The following SLC39A11 variants were observed in gnomAD, a reference collection of about 807,000 sequenced individuals.
The protein encoded by SLC39A11 is zinc transporter ZIP11.
In SLC39A11, 33 loss-of-function variants were observed where a neutral mutation model predicts 36.1. The observed-to-expected ratio is 0.91, with a 90% confidence interval of 0.69 to 1.22. The LOEUF (loss-of-function observed/expected upper bound fraction) is 1.22, where lower values mean the gene tolerates loss of function less well. SLC39A11 is among the 50% of genes most tolerant of loss of function. The pLI, the probability that SLC39A11 is intolerant of heterozygous loss-of-function variation, is 0.00. For missense variants in SLC39A11, 432 were observed against 430.3 expected (o/e 1.00, Z -0.03); for synonymous variants, 166 against 170.3 (o/e 0.97, Z 0.20).
intron 7 of SLC39A11, among the ~76,000 whole-genome samples, chr17:72,723,321 A>AGTGAGTGT (rs1280241325): frequency 6.7e-6 from 1 of 148,450 alleles, no homozygotes; most frequent in African/African-American, 2.5e-5. Context: ...GGAGTGTAAG[A>AGTGAGTGT]GTGTGTGTGT....
At chr17:72,651,235 C>T (rs1410467714) in intron 7 of SLC39A11, among the ~76,000 whole-genome samples, 1 of 152,186 alleles carries the variant, frequency 6.6e-6, no homozygotes, top group East Asian at 1.9e-4. Context: ...TACCCATCAG[C>T]TTAAAATCTG....
At chr17:72,691,675 A>G (rs967414300) in intron 7 of SLC39A11, among the ~76,000 whole-genome samples, 6 of 152,248 alleles carry the variant, frequency 3.9e-5, no homozygotes, top group Non-Finnish European at 4.4e-5. Flanking sequence ...AGAATTATTC[A>G]TAAGTGGAAA....
intron 6 of SLC39A11, among the ~76,000 whole-genome samples, chr17:72,804,749 G>A (rs922655662): frequency 1.3e-5 from 2 of 152,174 alleles, no homozygotes; most frequent in South Asian, 2.1e-4. Flanking sequence ...TCCCGGCCAC[G>A]CAGTGGCTCA....
At chr17:72,726,321 T>C (rs1031173192) in intron 7 of SLC39A11, among the ~76,000 whole-genome samples, 4 of 152,130 alleles carry the variant, frequency 2.6e-5, no homozygotes, top group Non-Finnish European at 5.9e-5. Flanking sequence ...AACAATGAAG[T>C]CTCCTTTGTA....
At chr17:72,913,224 G>A (rs2083129294) in intron 5 of SLC39A11, among the ~76,000 whole-genome samples, 1 of 152,030 alleles carries the variant, frequency 6.6e-6, no homozygotes, top group African/African-American at 2.4e-5. Context: ...TTTTTTAAAT[G>A]GGAAGCCTTG....
intron 6 of SLC39A11, among the ~76,000 whole-genome samples, chr17:72,782,049 G>T (rs779544402): frequency 1.3e-5 from 2 of 152,066 alleles, no homozygotes; most frequent in South Asian, 2.1e-4. Context: ...GGAAAAGGGC[G>T]CCTGGCAGAT....
At chr17:72,674,776 T>C (rs555365074) in intron 7 of SLC39A11, among the ~76,000 whole-genome samples, 30 of 152,328 alleles carry the variant, frequency 2.0e-4, no homozygotes, top group Admixed American at 1.8e-3. Context: ...ACAACTAGCA[T>C]GTTTATAATG....
intron 3 of SLC39A11, among the ~76,000 whole-genome samples, chr17:73,032,192 T>C (rs547226248): frequency 2.0e-5 from 3 of 151,246 alleles, no homozygotes; most frequent in Non-Finnish European, 4.4e-5. Flanking sequence ...GAGAATGCTG[T>C]TGCGAATTCC....
intron 7 of SLC39A11, among the ~76,000 whole-genome samples, chr17:72,703,639 A>C (rs1326885556): frequency 6.6e-6 from 1 of 152,214 alleles, no homozygotes. Flanking sequence ...AGACAGATTC[A>C]GTCCTTAAAT....
At chr17:73,024,705 A>AT (rs111311150) in intron 4 of SLC39A11, among the ~76,000 whole-genome samples, 1,626 of 145,972 alleles carry the variant, frequency 0.011, 39 homozygotes, top group African/African-American at 0.038. Context: ...AGTTGTGTAC[A>AT]TTTTTTTTTT....
intron 7 of SLC39A11, among the ~76,000 whole-genome samples, chr17:72,653,106 TTTTC>T (rs1439080971): frequency 2.2e-5 from 2 of 92,158 alleles, no homozygotes; most frequent in Non-Finnish European, 4.5e-5. Context: ...CACGCTTTTT[TTTTC>T]TTTTTTTTTT....
chr17:73,076,180 C>T (rs928845593), intron 3 of SLC39A11, among the ~76,000 whole-genome samples: 4 of 148,816 alleles, frequency 2.7e-5, no homozygotes, highest in Non-Finnish European at 5.9e-5. Flanking sequence ...AAAGTCAAGG[C>T]TAGACACAAG....
chr17:72,862,972 C>T (rs1384872887), intron 5 of SLC39A11, among the ~76,000 whole-genome samples: 2 of 152,168 alleles, frequency 1.3e-5, no homozygotes, highest in African/African-American at 4.8e-5. Context: ...GACAAGAAAA[C>T]CCCACAAAAG....
At chr17:72,738,468 C>T (rs989455179) in intron 6 of SLC39A11, among the ~76,000 whole-genome samples, 6 of 152,154 alleles carry the variant, frequency 3.9e-5, no homozygotes, top group Admixed American at 1.3e-4. Context: ...TCCTGTGGTA[C>T]ATGGGCTTGC....
intron 6 of SLC39A11, among the ~76,000 whole-genome samples, chr17:72,786,569 T>C (rs917771334): frequency 1.3e-5 from 2 of 152,172 alleles, no homozygotes; most frequent in Admixed American, 1.3e-4. Flanking sequence ...TCTGGATGGC[T>C]GATGGATCCC....
At chr17:72,847,582 T>C (rs966139886) in intron 6 of SLC39A11, among the ~76,000 whole-genome samples, 1 of 152,186 alleles carries the variant, frequency 6.6e-6, no homozygotes, top group Admixed American at 6.5e-5. Context: ...AACAGAGGAA[T>C]GTGCTTCTTA....
At chr17:72,774,782 C>G (rs534061321) in intron 6 of SLC39A11, among the ~76,000 whole-genome samples, 47 of 152,230 alleles carry the variant, frequency 3.1e-4, no homozygotes, top group African/African-American at 1.0e-3. Context: ...TCTCATCTGC[C>G]GGGATCTAGC....
intron 4 of SLC39A11, among the ~76,000 whole-genome samples, chr17:72,958,181 G>A (rs965102087): frequency 5.9e-5 from 9 of 152,144 alleles, no homozygotes; most frequent in Non-Finnish European, 1.0e-4. Context: ...GAATGAAACT[G>A]GATCCTCATC....
At chr17:73,062,257 C>T (rs941104800) in intron 3 of SLC39A11, among the ~76,000 whole-genome samples, 1 of 151,108 alleles carries the variant, frequency 6.6e-6, no homozygotes, top group Non-Finnish European at 1.5e-5. Context: ...CTCACAAGTT[C>T]GAGACCACCC....
Sources: gnomAD v4.1 joint callset for allele counts (sites outside exome capture counted in the v4.1 genomes callset) on GRCh38, gnomAD v4.1.1 for gene constraint, MANE v1.5 for transcripts, NCBI Gene and HGNC (gene_info 2026-07-23, HGNC 2026-07-21) for gene names.